The following PRKN variants were observed in gnomAD, a reference collection of about 807,000 sequenced individuals.
PRKN encodes the protein E3 ubiquitin-protein ligase parkin.
In PRKN, 56 loss-of-function variants were observed where a neutral mutation model predicts 59.5. That is an observed-to-expected ratio of 0.94 (90% CI 0.76 to 1.18). The LOEUF (loss-of-function observed/expected upper bound fraction) is 1.18. PRKN is among the 50% of genes most tolerant of loss of function. The pLI, the probability that PRKN is intolerant of heterozygous loss-of-function variation, is 0.00. For missense variants in PRKN, 657 were observed against 596.4 expected, an observed-to-expected ratio of 1.10 and a Z score of -1.06; for synonymous variants, 250 against 222.1, an observed-to-expected ratio of 1.13 and a Z score of -1.12.
intron 4 of PRKN, among the ~76,000 whole-genome samples, chr6:162,103,043 A>G (rs1180943955): frequency 7.6e-6 from 1 of 131,546 alleles, no homozygotes; most frequent in Non-Finnish European, 1.6e-5. Flanking sequence ...ACTCTGTCTC[A>G]AAAAAAAAAA....
chr6:161,464,214 A>T (rs1374094439), intron 9 of PRKN, among the ~76,000 whole-genome samples: 1 of 152,120 alleles, frequency 6.6e-6, no homozygotes, highest in African/African-American at 2.4e-5. Flanking sequence ...GGGTTTCTCC[A>T]TGTTGGTCAG....
chr6:162,219,719 G>C (rs1777852637), intron 3 of PRKN, among the ~76,000 whole-genome samples: 2 of 151,890 alleles, frequency 1.3e-5, no homozygotes, highest in Admixed American at 1.3e-4. Flanking sequence ...GTGTTTCCTT[G>C]ATTTGATTCT....
chr6:162,376,666 G>A (rs1786104829), intron 2 of PRKN, among the ~76,000 whole-genome samples: 1 of 149,314 alleles, frequency 6.7e-6, no homozygotes, highest in African/African-American at 2.5e-5. Flanking sequence ...ATACTAGACA[G>A]CAAAGTAGTG....
At chr6:161,403,067 G>T (rs1229223068) in intron 9 of PRKN, among the ~76,000 whole-genome samples, 4 of 152,096 alleles carry the variant, frequency 2.6e-5, no homozygotes, top group Non-Finnish European at 1.5e-5. Flanking sequence ...ATATTTTGAG[G>T]TGGCATTTCC....
chr6:162,387,253 AAAT>A (rs1358756999), intron 2 of PRKN, among the ~76,000 whole-genome samples: 1 of 135,794 alleles, frequency 7.4e-6, no homozygotes, highest in Non-Finnish European at 1.6e-5. Flanking sequence ...AAAAAAAAAA[AAAT>A]TTCTCCAACC....
chr6:162,190,478 T>C (rs529750268), intron 4 of PRKN, among the ~76,000 whole-genome samples: 7 of 152,340 alleles, frequency 4.6e-5, no homozygotes, highest in Non-Finnish European at 1.0e-4. Flanking sequence ...AGCAAGAATC[T>C]GAGCTCAAGT....
At chr6:162,505,614 G>C (rs986839332) in intron 1 of PRKN, among the ~76,000 whole-genome samples, 1 of 152,068 alleles carries the variant, frequency 6.6e-6, no homozygotes, top group African/African-American at 2.4e-5. Flanking sequence ...AGCCACAAAA[G>C]CAACTATACA....
At chr6:161,365,253 C>T (rs1459352529) in intron 10 of PRKN, among the ~76,000 whole-genome samples, 1 of 152,158 alleles carries the variant, frequency 6.6e-6, no homozygotes. Flanking sequence ...GCACTCCCAA[C>T]CCGTGTGGAC....
chr6:161,806,080 C>A (rs772567700), intron 6 of PRKN, among the ~76,000 whole-genome samples: 25 of 152,290 alleles, frequency 1.6e-4, no homozygotes, highest in Non-Finnish European at 2.8e-4. Context: ...GAAATTCCAT[C>A]GTAAATATTG....
rs939375072 is a variant in PRKN, at chr6:161,881,464, G to A, written c.734+91838C>T. ...GTGGGGCTGAGTGGTTTAGGGCTGC[G>A]ACCACCACAGTCCTCCTCACACACG... On this transcript the variant is annotated intron_variant, in intron 6 of 11. Coordinates refer to ENST00000366898, the MANE Select transcript of PRKN (RefSeq NM_004562.3). Among the ~76,000 whole-genome samples, 5 of 152,082 alleles carry A rather than the reference G, an allele frequency of 3.3e-5. No homozygotes were observed. The South Asian group carries it at 6.2e-4, about 19-fold the overall frequency.
At chr6:162,015,485 C>T (rs547067347) in intron 5 of PRKN, among the ~76,000 whole-genome samples, 1 of 152,310 alleles carries the variant, frequency 6.6e-6, no homozygotes, top group African/African-American at 2.4e-5. Flanking sequence ...TTCTCCCGTT[C>T]AAGGTCCAGT....
intron 7 of PRKN, among the ~76,000 whole-genome samples, chr6:161,705,907 C>T (rs1370873399): frequency 6.6e-6 from 1 of 152,126 alleles, no homozygotes; most frequent in East Asian, 1.9e-4. Context: ...AGAGCTCCAA[C>T]CGTGTCATTA....
chr6:162,552,502 C>T (rs962199826), intron 1 of PRKN, among the ~76,000 whole-genome samples: 7 of 151,856 alleles, frequency 4.6e-5, no homozygotes, highest in Non-Finnish European at 7.4e-5. Flanking sequence ...TCCATCAAGT[C>T]TTTTTACTTC....
At chr6:161,784,441 C>G (rs1790332815) in intron 7 of PRKN, among the ~76,000 whole-genome samples, 1 of 152,122 alleles carries the variant, frequency 6.6e-6, no homozygotes, top group Non-Finnish European at 1.5e-5. Context: ...TCTTACAACT[C>G]AACAACAAAA....
chr6:162,203,993 G>A (rs547685455), intron 3 of PRKN, among the ~76,000 whole-genome samples: 16 of 152,106 alleles, frequency 1.1e-4, no homozygotes, highest in African/African-American at 2.9e-4. Context: ...CCCTGTGCGC[G>A]TGTGTGTGCA....
intron 2 of PRKN, among the ~76,000 whole-genome samples, chr6:162,298,251 TC>T (rs1781771974): frequency 6.6e-6 from 1 of 151,964 alleles, no homozygotes; most frequent in Non-Finnish European, 1.5e-5. Context: ...AATCTCTGGT[TC>T]CGGTGGGGAC....
At chr6:161,555,063 A>T (rs1780184486) in intron 8 of PRKN, among the ~76,000 whole-genome samples, 1 of 151,986 alleles carries the variant, frequency 6.6e-6, no homozygotes, top group Non-Finnish European at 1.5e-5. Context: ...TGTTTTTCTT[A>T]TGTCATTTCT....
At chr6:162,524,982 T>G (rs550005475) in intron 1 of PRKN, among the ~76,000 whole-genome samples, 1 of 152,316 alleles carries the variant, frequency 6.6e-6, no homozygotes, top group East Asian at 1.9e-4. Flanking sequence ...AAAATGTAAG[T>G]GACTGATCTT....
chr6:162,568,540 A>G, intron 1 of PRKN: 1 of 765,194 alleles, frequency 1.3e-6, no homozygotes, highest in Non-Finnish European at 2.3e-6. Flanking sequence ...CTTAACCTGG[A>G]GGTGGACCCC....
Sources: allele counts gnomAD v4.1 joint callset (sites outside exome capture counted in the v4.1 genomes callset), GRCh38; gene constraint gnomAD v4.1.1; transcripts MANE v1.5; gene names NCBI Gene and HGNC (gene_info 2026-07-23, HGNC 2026-07-21).